The following GPAM variants were observed in gnomAD, a reference collection of about 807,000 sequenced individuals.
The protein encoded by GPAM is glycerol-3-phosphate acyltransferase 1, mitochondrial.
A neutral mutation model predicts 105.0 loss-of-function variants in GPAM; 56 were observed. The ratio of observed to expected loss-of-function variants is 0.53; its 90% CI spans 0.43 to 0.67. The LOEUF (loss-of-function observed/expected upper bound fraction) is 0.67. GPAM is among the 30% of genes least tolerant of loss of function. The pLI, the probability that GPAM is intolerant of heterozygous loss-of-function variation, is 0.00. For synonymous variants in GPAM, 368 were observed against 354.4 expected, an observed-to-expected ratio of 1.04 and a Z score of -0.43; for missense variants, 855 against 989.8, an observed-to-expected ratio of 0.86 and a Z score of 1.83.
chr10:112,171,211 A>G (rs1847307100), intron 9 of GPAM, among the ~76,000 whole-genome samples: 1 of 151,964 alleles, frequency 6.6e-6, no homozygotes, highest in African/African-American at 2.4e-5. Flanking sequence ...CCTACCACCT[A>G]CCCAGTTTCC....
chr10:112,195,358 C>G (rs907829382), intron 1 of GPAM, among the ~76,000 whole-genome samples: 1 of 152,226 alleles, frequency 6.6e-6, no homozygotes, highest in South Asian at 2.1e-4. Context: ...TCACCACCCC[C>G]CATCTCCGTC....
At chr10:112,226,221 G>A in the GPAM span, among the ~76,000 whole-genome samples, 2 of 152,222 alleles carry the variant, frequency 1.3e-5, no homozygotes, top group African/African-American at 4.8e-5. Context: ...AAAGGAGGGA[G>A]AAGACTGACA....
chr10:112,196,315 A>C (rs546986921), intron 1 of GPAM, among the ~76,000 whole-genome samples: 9 of 152,372 alleles, frequency 5.9e-5, no homozygotes, highest in African/African-American at 2.2e-4. Flanking sequence ...TCACTCATTA[A>C]GTATAATCGG....
At chr10:112,181,597 G>C in intron 3 of GPAM, 86 bp downstream of exon 3, 1 of 789,626 alleles carries the variant, frequency 1.3e-6, no homozygotes, top group Admixed American at 1.7e-5. Context: ...GTGATATTAT[G>C]TTGCTGCCAG....
intron 1 of GPAM, among the ~76,000 whole-genome samples, chr10:112,213,286 G>C (rs539995502): frequency 6.6e-6 from 1 of 152,278 alleles, no homozygotes; most frequent in African/African-American, 2.4e-5. Context: ...CATTTACTGT[G>C]TTAACTTGGG....
At chr10:112,210,488 C>T (rs1847899210) in intron 1 of GPAM, among the ~76,000 whole-genome samples, 1 of 152,110 alleles carries the variant, frequency 6.6e-6, no homozygotes, top group Non-Finnish European at 1.5e-5. Context: ...CTCACTAAGC[C>T]CCATGACCAG....
At chr10:112,194,209 G>T (rs138332721) in intron 1 of GPAM, among the ~76,000 whole-genome samples, 1 of 152,138 alleles carries the variant, frequency 6.6e-6, no homozygotes, top group Non-Finnish European at 1.5e-5. Context: ...CTCTTAATCC[G>T]CTTTGTTGGG....
chr10:112,175,917 T>A (rs1308186858), intron 5 of GPAM, among the ~76,000 whole-genome samples: 1 of 152,210 alleles, frequency 6.6e-6, no homozygotes, highest in Non-Finnish European at 1.5e-5. Flanking sequence ...AAACTGAAAC[T>A]TGGAATTTGT....
At chr10:112,157,442 A>G in intron 18 of GPAM, 53 bp from the exon 19 acceptor site, 1 of 1,546,528 alleles carries the variant, frequency 6.5e-7, no homozygotes. Context: ...CACACAAACA[A>G]CTGCCCAGTG....
In GPAM at chr10:112,158,343, G is replaced by A; in HGVS notation, c.1953C>T (p.Ile651=). ...CTGCCACTGTAAGAATGCCATACTG[G>A]ATAAACTTTCCTACTGTTTCATGGC... The part of the protein sequence containing the change: ...QVCHETVGKF[I]QYGILTVAEH... Residue 651 remains isoleucine, a synonymous_variant, in exon 18 of 22, where the codon ATC becomes ATT. Transcript: ENST00000348367. The A allele has an allele frequency of 1.2e-6, 2 of 1,603,088 alleles. No individual in the cohort carries two copies. The highest frequency in any genetic ancestry group is 8.5e-7 in the Non-Finnish European group (1 of 1,169,876).
At chr10:112,226,682 G>C in the GPAM span, among the ~76,000 whole-genome samples, 1 of 152,324 alleles carries the variant, frequency 6.6e-6, no homozygotes, top group Non-Finnish European at 1.5e-5. Context: ...TGTGAGGGTT[G>C]AGAGAAAGTG....
At chr10:112,155,698 CTG>C in intron 20 of GPAM, 164 bp downstream of exon 20, 1 of 575,642 alleles carries the variant, frequency 1.7e-6, no homozygotes, top group Admixed American at 3.0e-5. Flanking sequence ...GAGTGTATAA[CTG>C]TATCATTCAA....
intron 6 of GPAM, among the ~76,000 whole-genome samples, chr10:112,174,494 C>T (rs945163121): frequency 6.6e-6 from 1 of 152,322 alleles, no homozygotes; most frequent in South Asian, 2.1e-4. Context: ...TGAGGTTCAA[C>T]CTCCTTAAAC....
chr10:112,192,712 G>A (rs1256139061), intron 1 of GPAM, among the ~76,000 whole-genome samples: 1 of 152,236 alleles, frequency 6.6e-6, no homozygotes. Context: ...GTCTTTTTAA[G>A]CCATAGTAAA....
chr10:112,185,920 A>C (rs147236561), upstream of GPAM, among the ~76,000 whole-genome samples: 1 of 152,322 alleles, frequency 6.6e-6, no homozygotes, highest in East Asian at 1.9e-4. Context: ...CCTGAAGAAA[A>C]TGAGAAATAT....
chr10:112,208,725 A>G (rs1207777535), intron 1 of GPAM, among the ~76,000 whole-genome samples: 2 of 152,226 alleles, frequency 1.3e-5, no homozygotes, highest in African/African-American at 4.8e-5. Context: ...TAATTTTTTA[A>G]TTCTGCCCAG....
chr10:112,152,083 G>T lies in GPAM; in HGVS notation c.*1467C>A. ...CTCCCAAAACACACATTACTCATGA[G>T]ATACTATCAGTGTTTAAAATCCAAG... On this transcript the variant is annotated 3_prime_UTR_variant, in exon 22 of 22. Transcript: ENST00000348367. 1 of 982,364 alleles carries T rather than the reference G, an allele frequency of 1.0e-6. No individual in the cohort carries two copies. The highest frequency in any genetic ancestry group is 1.2e-6 in the Non-Finnish European group (1 of 827,244). 60.9% of individuals were successfully genotyped at this position (982,364 alleles called of 1,614,324 possible).
rs143244471 is a variant in GPAM at position 112,162,351 on chromosome 10, G to C, written c.1424-614C>G. ...AGACCACATGAGAATAAAATGACTG[G>C]CCCGGCACAGGAGCCACAGTAATGG... is the stretch of plus-strand genomic sequence containing the variant. On this transcript the variant is annotated intron_variant, in intron 14 of 21. Transcript: ENST00000348367. Among the ~76,000 whole-genome samples, 528 of 152,204 alleles carry C rather than the reference G, an allele frequency of 3.5e-3. 2 individuals carry two copies. Among genetic ancestry groups the C allele is most frequent in the African/African-American group, 0.012 (500 of 41,510 alleles).
chr10:112,158,417 ATAAAT>A (rs763178535), intron 17 of GPAM, 24 bp from the exon 18 acceptor site: 329 of 1,393,154 alleles, frequency 2.4e-4, no homozygotes, highest in Non-Finnish European at 3.0e-4. Flanking sequence ...TCATTTAAAT[ATAAAT>A]GCCACCATTT....
Sources: allele counts gnomAD v4.1 joint callset (sites outside exome capture counted in the v4.1 genomes callset), GRCh38; gene constraint gnomAD v4.1.1; transcripts MANE v1.5; gene names NCBI Gene and HGNC (gene_info 2026-07-23, HGNC 2026-07-21).